UMAD1: variants seen among roughly 807,000 people sequenced by gnomAD.
UMAD1 encodes UBAP1-MVB12-associated (UMA) domain containing 1.
In UMAD1, 8 loss-of-function variants were observed where a neutral mutation model predicts 6.1. The ratio of observed to expected loss-of-function variants is 1.30; its 90% CI spans 0.76 to 2.35. The LOEUF is 2.35. Among genes scored for constraint, UMAD1 ranks in the 30% most tolerant of loss-of-function variants. The pLI, the probability that UMAD1 is intolerant of heterozygous loss-of-function variation, is 0.00. For synonymous variants in UMAD1, 56 were observed against 31.4 expected (o/e 1.78, Z -2.61); for missense variants, 130 against 78.4 (o/e 1.66, Z -2.49).
chr7:7,690,407 C>G (rs1291208922), intron 2 of UMAD1, among the ~76,000 whole-genome samples: 3 of 151,850 alleles, frequency 2.0e-5, no homozygotes, highest in African/African-American at 2.4e-5. Context: ...TATGTTTTTA[C>G]TGGAGTTGAA....
intron 2 of UMAD1, among the ~76,000 whole-genome samples, chr7:7,792,361 C>T (rs910317681): frequency 6.6e-6 from 1 of 152,156 alleles, no homozygotes; most frequent in Non-Finnish European, 1.5e-5. Context: ...CCAATTAGTA[C>T]TTTTGTTTTC....
intron 3 of UMAD1, among the ~76,000 whole-genome samples, chr7:7,870,895 G>A (rs867519336): frequency 1.3e-5 from 2 of 152,086 alleles, no homozygotes; most frequent in African/African-American, 4.8e-5. Flanking sequence ...CATCCTAGGA[G>A]GCATTTGGTG....
intron 3 of UMAD1, among the ~76,000 whole-genome samples, chr7:7,833,067 A>T (rs1783495025): frequency 6.6e-6 from 1 of 152,128 alleles, no homozygotes; most frequent in South Asian, 2.1e-4. Context: ...AGGAGATGAG[A>T]CTGGAAAGGC....
At chr7:7,727,452 A>G (rs1450440512) in intron 2 of UMAD1, among the ~76,000 whole-genome samples, 1 of 152,146 alleles carries the variant, frequency 6.6e-6, no homozygotes, top group African/African-American at 2.4e-5. Context: ...ATTATATATG[A>G]TCTCAGGAAA....
intron 2 of UMAD1, among the ~76,000 whole-genome samples, chr7:7,748,168 T>G (rs1430530607): frequency 4.0e-5 from 6 of 151,262 alleles, no homozygotes; most frequent in Non-Finnish European, 8.8e-5. Flanking sequence ...ATGGTCTTGA[T>G]CTCTTGACAT....
intron 2 of UMAD1, among the ~76,000 whole-genome samples, chr7:7,706,087 T>C (rs1239176223): frequency 6.6e-6 from 1 of 152,236 alleles, no homozygotes; most frequent in Non-Finnish European, 1.5e-5. Context: ...GAAGTCACCA[T>C]TCAAAGTTAT....
At chr7:7,838,692 A>G (rs1207789480) in intron 3 of UMAD1, among the ~76,000 whole-genome samples, 1 of 152,186 alleles carries the variant, frequency 6.6e-6, no homozygotes, top group Non-Finnish European at 1.5e-5. Context: ...AACAACACAA[A>G]TATCCATCAT....
intron 2 of UMAD1, among the ~76,000 whole-genome samples, chr7:7,680,284 C>T (rs1387603997): frequency 6.6e-6 from 1 of 152,056 alleles, no homozygotes; most frequent in African/African-American, 2.4e-5. Context: ...CCCAGCACCA[C>T]TGATTCAAGA....
intron 3 of UMAD1, among the ~76,000 whole-genome samples, chr7:7,817,317 G>A (rs1475214725): frequency 6.6e-6 from 1 of 152,162 alleles, no homozygotes; most frequent in Non-Finnish European, 1.5e-5. Flanking sequence ...TGTTCCCTGT[G>A]CGTGGCATGC....
intron 2 of UMAD1, among the ~76,000 whole-genome samples, chr7:7,737,364 G>A (rs1027466194): frequency 3.3e-5 from 5 of 152,148 alleles, no homozygotes; most frequent in African/African-American, 1.2e-4. Context: ...CAGCCCAGTG[G>A]GTGCTCAGTC....
At chr7:7,744,359 A>G (rs1051981973) in intron 2 of UMAD1, among the ~76,000 whole-genome samples, 3 of 152,190 alleles carry the variant, frequency 2.0e-5, no homozygotes, top group South Asian at 2.1e-4. Context: ...TTTTGGATAT[A>G]ATGAATAATG....
chr7:7,717,480 A>G (rs1378889233), intron 2 of UMAD1, among the ~76,000 whole-genome samples: 1 of 152,206 alleles, frequency 6.6e-6, no homozygotes, highest in African/African-American at 2.4e-5. Flanking sequence ...CTGCTACTTC[A>G]GAAGTATTTA....
chr7:7,824,547 C>T (rs1222638764), intron 3 of UMAD1, among the ~76,000 whole-genome samples: 1 of 152,170 alleles, frequency 6.6e-6, no homozygotes, highest in Non-Finnish European at 1.5e-5. Context: ...CTTCATCATC[C>T]TTAGAATGAA....
chr7:7,749,488 T>C (rs1781637384), intron 2 of UMAD1, among the ~76,000 whole-genome samples: 1 of 152,164 alleles, frequency 6.6e-6, no homozygotes. Flanking sequence ...GGGTAAGCGT[T>C]TTTTTCATGG....
chr7:7,778,643 TGGCCTC>T (rs1324781564), intron 2 of UMAD1, among the ~76,000 whole-genome samples: 8 of 152,126 alleles, frequency 5.3e-5, no homozygotes, highest in Admixed American at 4.6e-4. Flanking sequence ...TTCAAATTCA[TGGCCTC>T]AAGTGATCCT....
At chr7:7,749,063 T>A (rs1013611109) in intron 2 of UMAD1, among the ~76,000 whole-genome samples, 1 of 152,202 alleles carries the variant, frequency 6.6e-6, no homozygotes, top group Non-Finnish European at 1.5e-5. Context: ...AAAATTTCCC[T>A]TGATAATGTT....
At chr7:7,794,558 A>G (rs1225172806) in intron 2 of UMAD1, among the ~76,000 whole-genome samples, 1 of 152,086 alleles carries the variant, frequency 6.6e-6, no homozygotes, top group Non-Finnish European at 1.5e-5. Flanking sequence ...TCCCTTTTGG[A>G]GTTTAGGAGC....
intron 2 of UMAD1, among the ~76,000 whole-genome samples, chr7:7,699,047 T>TGG (rs1253153111): frequency 1.6e-5 from 2 of 121,588 alleles, no homozygotes; most frequent in African/African-American, 6.3e-5. Flanking sequence ...TGTGTGTGTG[T>TGG]GTGGGGGGGG....
chr7:7,837,866 G>A (rs962639415), intron 3 of UMAD1, among the ~76,000 whole-genome samples: 1 of 152,106 alleles, frequency 6.6e-6, no homozygotes, highest in Non-Finnish European at 1.5e-5. Flanking sequence ...GTACGTAAAG[G>A]TTTTGAGAAA....
Sources: gnomAD v4.1 joint callset for allele counts (sites outside exome capture counted in the v4.1 genomes callset) on GRCh38, gnomAD v4.1.1 for gene constraint, MANE v1.5 for transcripts, NCBI Gene and HGNC (gene_info 2026-07-23, HGNC 2026-07-21) for gene names.